Variants in CHN2 observed in about 807,000 individuals in gnomAD.
CHN2 encodes chimerin 2, also known as beta-chimaerin.
CHN2 carries 35 observed loss-of-function variants against 56.3 expected under a neutral mutation model. That is an observed-to-expected ratio of 0.62 (90% CI 0.47 to 0.82). The LOEUF (loss-of-function observed/expected upper bound fraction) is 0.82. Ranked by LOEUF, CHN2 falls within the 40% of genes least tolerant of loss-of-function variation. The probability of loss-of-function intolerance (pLI) is 0.00; values close to 1 mark genes in which losing one functional copy is unlikely to be tolerated. For synonymous variants in CHN2, 210 were observed against 212.8 expected (o/e 0.99, Z 0.12); for missense variants, 491 against 580.5 (o/e 0.85, Z 1.58).
intron 2 of CHN2, among the ~76,000 whole-genome samples, chr7:29,149,117 T>A (rs1793202562): frequency 6.6e-6 from 1 of 151,260 alleles, no homozygotes; most frequent in East Asian, 1.9e-4. Flanking sequence ...GGAGCCAGCT[T>A]GGAAAGGGCA....
At position 29,398,799 on chromosome 7, in the gene CHN2, A is replaced by T. The variant is rs1801976075; in HGVS notation, c.290+313A>T. The stretch of plus-strand genomic sequence containing the variant: ...TTTTTTTTGAAGAGAATGGGGTCTC[A>T]CCATGTTGCCCGGGCTGGTCTTGAA... On this transcript the variant is annotated intron_variant, in intron 5 of 12. Coordinates refer to ENST00000222792, the MANE Select transcript of CHN2 (RefSeq NM_004067.4). 2.8e-5 allele frequency among the ~76,000 whole-genome samples: 4 copies of T among 141,822 alleles called. No homozygotes were observed. The South Asian group carries it at 8.9e-4, about 32-fold the overall frequency. 93.0% of individuals were successfully genotyped at this position (141,822 alleles called of 152,430 possible).
chr7:29,266,489 T>C (rs1340871939), intron 1 of CHN2, among the ~76,000 whole-genome samples: 1 of 152,240 alleles, frequency 6.6e-6, no homozygotes, highest in Non-Finnish European at 1.5e-5. Flanking sequence ...TATTCTAATG[T>C]GTCGCAAGAT....
At chr7:29,250,684 T>G (rs867695862) in intron 1 of CHN2, among the ~76,000 whole-genome samples, 24 of 151,920 alleles carry the variant, frequency 1.6e-4, no homozygotes, top group Admixed American at 3.3e-4. Flanking sequence ...GTAAGAAGAC[T>G]CTTCCCTTTT....
At chr7:29,340,465 C>G (rs1329175890) in intron 1 of CHN2, among the ~76,000 whole-genome samples, 1 of 152,116 alleles carries the variant, frequency 6.6e-6, no homozygotes, top group East Asian at 1.9e-4. Flanking sequence ...CAGGTCCAGG[C>G]TGAAGTGGCA....
chr7:29,343,994 G>T (rs1797241365), intron 1 of CHN2, among the ~76,000 whole-genome samples: 1 of 152,114 alleles, frequency 6.6e-6, no homozygotes, highest in Non-Finnish European at 1.5e-5. Flanking sequence ...TCTGTGAATG[G>T]CATCACTACC....
At chr7:29,365,359 G>A (rs1442239849) in intron 2 of CHN2, among the ~76,000 whole-genome samples, 1 of 152,136 alleles carries the variant, frequency 6.6e-6, no homozygotes, top group East Asian at 1.9e-4. Context: ...CTTCCTTCGT[G>A]GCAGGACTTA....
intron 6 of CHN2, among the ~76,000 whole-genome samples, chr7:29,404,318 C>T (rs1189275469): frequency 6.6e-6 from 1 of 152,158 alleles, no homozygotes; most frequent in African/African-American, 2.4e-5. Flanking sequence ...CATATGACAA[C>T]AGTGTTTTTG....
At chr7:29,473,278 G>A (rs116704675) in intron 6 of CHN2, among the ~76,000 whole-genome samples, 122 of 152,250 alleles carry the variant, frequency 8.0e-4, no homozygotes, top group Admixed American at 1.5e-3. Flanking sequence ...CACTGACTAC[G>A]TTCATACTTT....
chr7:29,182,121 T>C (rs1322709438), intron 2 of CHN2, among the ~76,000 whole-genome samples: 2 of 152,322 alleles, frequency 1.3e-5, no homozygotes, highest in South Asian at 2.1e-4. Context: ...CTAACACTCA[T>C]TAATCACTCT....
chr7:29,420,853 A>G (rs867522893), intron 6 of CHN2, among the ~76,000 whole-genome samples: 1 of 149,196 alleles, frequency 6.7e-6, no homozygotes, highest in African/African-American at 2.5e-5. Flanking sequence ...TCTTTTGCCC[A>G]GGCTGGGGTA....
rs193163132 is a variant in CHN2, at chr7:29,338,317, C to T, written c.50-16308C>T. Among the ~76,000 whole-genome samples the T allele has an allele frequency of 2.1e-3, 318 of 152,250 alleles. 2 individuals are homozygous for T. The highest frequency in any genetic ancestry group is 7.3e-3 in the African/African-American group (305 of 41,554). ...CTGTAAGATGGGATAAGAGTACCCA[C>T]CTCATAGTGCTGTTTGGAAATGAAG... is the stretch of plus-strand genomic sequence containing the variant. On this transcript the variant is annotated intron_variant, in intron 1 of 12. Coordinates refer to ENST00000222792, the MANE Select transcript of CHN2 (RefSeq NM_004067.4).
intron 1 of CHN2, among the ~76,000 whole-genome samples, chr7:29,256,997 C>G (rs891773803): frequency 6.6e-6 from 1 of 152,142 alleles, no homozygotes; most frequent in Non-Finnish European, 1.5e-5. Flanking sequence ...AAATACATCC[C>G]GAGTAAGGCA....
chr7:29,330,445 C>T (rs561605473), intron 1 of CHN2, among the ~76,000 whole-genome samples: 3 of 152,238 alleles, frequency 2.0e-5, no homozygotes, highest in East Asian at 3.9e-4. Flanking sequence ...GAGAGTCCCC[C>T]GCTTAGATGG....
At chr7:29,178,842 A>G (rs967735673) in intron 2 of CHN2, among the ~76,000 whole-genome samples, 10 of 152,234 alleles carry the variant, frequency 6.6e-5, no homozygotes, top group African/African-American at 2.2e-4. Context: ...TAATCAGCCA[A>G]TAAAAATGGG....
In CHN2 at chr7:29,513,305, C is replaced by T. The variant is rs541562834; in HGVS notation, c.*570C>T. On this transcript the variant is annotated 3_prime_UTR_variant, in exon 13 of 13. Coordinates refer to ENST00000222792, the MANE Select transcript of CHN2 (RefSeq NM_004067.4). Reference sequence around the variant, plus strand: ...ACAAATGCAGTATTATCTTGACATACCTCTGTCCTCCTCAGTGCTTTTTAA... The same window carrying T: ...ACAAATGCAGTATTATCTTGACATATCTCTGTCCTCCTCAGTGCTTTTTAA... 1 of 152,898 alleles carries T rather than the reference C, an allele frequency of 6.5e-6. No homozygotes were observed. Among genetic ancestry groups the T allele is most frequent in the South Asian group, 2.1e-4 (1 of 4,828 alleles). 9.5% of individuals were successfully genotyped at this position (152,898 alleles called of 1,614,324 possible). A position where few individuals can be genotyped will look rare whatever the true frequency, so the allele number is the denominator to read the frequency against.
At position 29,496,011 on chromosome 7, in the gene CHN2, C is replaced by T. The variant is rs1789236398; in HGVS notation, c.714C>T (p.Leu238=). The change falls in exon 8 of 13, where the codon CTC becomes CTT. Residue 238 remains leucine (L), a synonymous_variant. Coordinates refer to ENST00000222792, the MANE Select transcript of CHN2 (RefSeq NM_004067.4). Reference sequence around the variant, plus strand: ...ATTGTGCCAATTTCATGTGGGGGCTCATCGCCCAAGGGGTCCGGTGCTCAG... The same window carrying T: ...ATTGTGCCAATTTCATGTGGGGGCTTATCGCCCAAGGGGTCCGGTGCTCAG... The part of the protein sequence containing the change: ...CEYCANFMWG[L]IAQGVRCSDC... 1.2e-6 allele frequency: 2 copies of T among 1,612,742 alleles called. No homozygotes were observed. Among genetic ancestry groups the T allele is most frequent in the South Asian group, 1.1e-5 (1 of 90,784 alleles).
At chr7:29,288,683 G>A (rs1107011) in intron 1 of CHN2, among the ~76,000 whole-genome samples, 26,480 of 152,138 alleles carry the variant, frequency 0.17, 2,463 homozygotes, top group East Asian at 0.3. Context: ...TAAGGAACCA[G>A]AATTGAAAAC....
chr7:29,445,204 A>T (rs1451861013), intron 6 of CHN2: 1 of 455,552 alleles, frequency 2.2e-6, no homozygotes, highest in East Asian at 7.0e-5. Context: ...CAGAATAAGT[A>T]AGAGTCCCAG....
chr7:29,230,614 T>C (rs1399318829), intron 1 of CHN2, among the ~76,000 whole-genome samples: 2 of 152,238 alleles, frequency 1.3e-5, no homozygotes, highest in African/African-American at 2.4e-5. Context: ...GTGCTGGGAT[T>C]ACAGGCGTGA....
Sources: gnomAD v4.1 joint callset for allele counts (sites outside exome capture counted in the v4.1 genomes callset) on GRCh38, gnomAD v4.1.1 for gene constraint, MANE v1.5 for transcripts, NCBI Gene and HGNC (gene_info 2026-07-23, HGNC 2026-07-21) for gene names.